Variants in BTBD3 observed in about 807,000 individuals in gnomAD.
The protein encoded by BTBD3 is BTB domain containing 3.
In BTBD3, 14 loss-of-function variants were observed where a neutral mutation model predicts 41.6. That is an observed-to-expected ratio of 0.34 (90% confidence interval 0.22 to 0.53). BTBD3 has a LOEUF of 0.53. Ranked by LOEUF, BTBD3 falls within the 20% of genes least tolerant of loss-of-function variation. The pLI is 0.95. For missense variants in BTBD3, 426 were observed against 654.7 expected (o/e 0.65, Z 3.81); for synonymous variants, 249 against 233.7 (o/e 1.07, Z -0.60).
In BTBD3 at chr20:11,919,615, G is replaced by A. The variant is rs571169761; in HGVS notation, c.418-103G>A. ...TTTCAAAGCAGTAGATTTTAGGTAC[G>A]CTATGTTTACTAAACCTGATTGCCT... On this transcript the variant is annotated intron_variant, in intron 2 of 3. Transcript: ENST00000378226. The A allele has an allele frequency of 1.0e-4, 132 of 1,291,266 alleles. No homozygotes were observed. The Middle Eastern group carries it at 1.4e-3, about 14-fold the overall frequency. 80.0% of individuals were successfully genotyped at this position (1,291,266 alleles called of 1,614,324 possible).
chr20:11,914,053 C>T (rs1288821522), upstream of BTBD3, among the ~76,000 whole-genome samples: 2 of 152,212 alleles, frequency 1.3e-5, no homozygotes, highest in Non-Finnish European at 2.9e-5. Flanking sequence ...TGATGGACTT[C>T]TTGGCCTATT....
At chr20:11,892,061 A>G (rs558406331) in intron 1 of BTBD3, among the ~76,000 whole-genome samples, 6 of 152,336 alleles carry the variant, frequency 3.9e-5, no homozygotes, top group African/African-American at 1.4e-4. Flanking sequence ...TTCACATAGT[A>G]GTAGCATTCA....
At chr20:11,901,102 T>C (rs2056821289) in intron 1 of BTBD3, among the ~76,000 whole-genome samples, 1 of 152,206 alleles carries the variant, frequency 6.6e-6, no homozygotes, top group Admixed American at 6.5e-5. Flanking sequence ...TGAGGTTATA[T>C]CAGGTGACTT....
chr20:11,916,787 G>A (rs1437390508), upstream of BTBD3, among the ~76,000 whole-genome samples: 3 of 152,148 alleles, frequency 2.0e-5, no homozygotes, highest in African/African-American at 7.2e-5. Flanking sequence ...AATGGCTGCT[G>A]TGCTTTGAAC....
At chr20:11,915,590 A>G (rs1411648911), upstream of BTBD3, among the ~76,000 whole-genome samples, 6 of 152,098 alleles carry the variant, frequency 3.9e-5, no homozygotes, top group Non-Finnish European at 8.8e-5. Context: ...GCTGCTGCTG[A>G]TCCTTCAACT....
In BTBD3 at chr20:11,918,345, A is replaced by G; in HGVS notation, c.70A>G (p.Asn24Asp). 1.2e-6 allele frequency: 2 copies of G among 1,613,890 alleles called. No individual in the cohort carries two copies. Among genetic ancestry groups the G allele is most frequent in the Non-Finnish European group, 1.7e-6 (2 of 1,179,956 alleles). Residue 24 changes from asparagine (N) to aspartate (D), a missense_variant, in exon 1 of 4, where the codon AAC becomes GAC. Coordinates refer to ENST00000378226, the MANE Select transcript of BTBD3 (RefSeq NM_014962.4). ...CTTGATGCTTCCAGAGACGGTAAAGAACAGGTCCAAGAAAAGCTCAAAGAA... is the reference window on the plus strand; with the variant it reads ...CTTGATGCTTCCAGAGACGGTAAAGGACAGGTCCAAGAAAAGCTCAAAGAA... ...FFLMLPETVKNRSKKSSKKAN... is the reference protein window; with the variant it reads ...FFLMLPETVKDRSKKSSKKAN...
rs1227996660 is a variant in BTBD3 at position 11,923,318 on chromosome 20, T to C, written c.1221T>C (p.Ile407=). 5.0e-6 allele frequency: 8 copies of C among 1,614,238 alleles called. No homozygotes were observed. In the East Asian group the frequency reaches 1.8e-4, roughly 36 times the overall value. ...IQFAVDKRVF[I]AGFGLYGSSC... is the part of the protein sequence containing the mutation. ...TTGCAGTTGATAAAAGAGTGTTCAT[T>C]GCTGGCTTTGGGCTGTATGGCTCCA... Residue 407 remains isoleucine (I), a synonymous_variant, in exon 4 of 4, where the codon ATT becomes ATC. Transcript: ENST00000378226. The surrounding 1 kb of genome is among the most constrained non-coding windows in gnomAD (Gnocchi z 5.3).
At chr20:11,890,845 C>T (rs1568604915) in exon 1 of BTBD3, 7 of 985,176 alleles carry the variant, frequency 7.1e-6, no homozygotes, top group Non-Finnish European at 8.4e-6. Flanking sequence ...GGGTGCCCGC[C>T]GAGCCCGCCG....
intron 3 of BTBD3, among the ~76,000 whole-genome samples, chr20:11,922,079 T>G (rs1050728127): frequency 3.3e-5 from 5 of 152,142 alleles, no homozygotes; most frequent in African/African-American, 1.2e-4. Context: ...CAAAAACAAA[T>G]AAAAAGTCTG....
At chr20:11,893,601 T>C (rs1441845224) in intron 1 of BTBD3, among the ~76,000 whole-genome samples, 2 of 152,252 alleles carry the variant, frequency 1.3e-5, no homozygotes, top group Admixed American at 1.3e-4. Context: ...TGCATTAATG[T>C]ACATTTATCG....
chr20:11,913,599 C>T (rs148569883), upstream of BTBD3: 4 of 152,286 alleles, frequency 2.6e-5, no homozygotes, highest in East Asian at 1.9e-4. Context: ...AGATCCGCCT[C>T]GTAGTCCAGG....
chr20:11,891,049 G>A, intron 1 of BTBD3: 17 of 882,344 alleles, frequency 1.9e-5, no homozygotes, highest in Non-Finnish European at 2.3e-5. Context: ...CGGCCGGCCG[G>A]AGGGGCCGAG....
chr20:11,917,100 A>T (rs901868865), upstream of BTBD3, among the ~76,000 whole-genome samples: 3 of 152,232 alleles, frequency 2.0e-5, no homozygotes, highest in African/African-American at 7.2e-5. Flanking sequence ...AAATTAAGAC[A>T]AGACTAAATG....
At chr20:11,893,814 C>CTTTT (rs141200500) in intron 1 of BTBD3, among the ~76,000 whole-genome samples, 50,937 of 151,734 alleles carry the variant, frequency 0.34, 8,602 homozygotes, top group Non-Finnish European at 0.37. Flanking sequence ...CCATTTTACT[C>CTTTT]TGTTTGTCTG....
chr20:11,909,277 A>AG (rs960626186), intron 1 of BTBD3: 4 of 150,720 alleles, frequency 2.7e-5, no homozygotes, highest in African/African-American at 9.7e-5. Context: ...CCCCTGTCAA[A>AG]AAAAAAAAAA....
At chr20:11,902,562 T>C (rs985894315) in intron 1 of BTBD3, among the ~76,000 whole-genome samples, 4 of 152,156 alleles carry the variant, frequency 2.6e-5, no homozygotes, top group Non-Finnish European at 1.5e-5. Context: ...AGCAATATAT[T>C]GGGGAGAGAA....
intron 1 of BTBD3, among the ~76,000 whole-genome samples, chr20:11,891,616 T>C (rs2056754922): frequency 1.3e-5 from 2 of 152,118 alleles, no homozygotes; most frequent in South Asian, 4.1e-4. Context: ...TGTGGCCCGT[T>C]TGCTCTAAAA....
At chr20:11,902,233 T>C (rs1199941807) in intron 1 of BTBD3, among the ~76,000 whole-genome samples, 1 of 152,216 alleles carries the variant, frequency 6.6e-6, no homozygotes, top group African/African-American at 2.4e-5. Flanking sequence ...TAATATATTA[T>C]GAAAATCATA....
intron 1 of BTBD3, among the ~76,000 whole-genome samples, chr20:11,900,640 C>G (rs2056818214): frequency 6.6e-6 from 1 of 151,756 alleles, no homozygotes; most frequent in South Asian, 2.1e-4. Context: ...TGTAGACTGC[C>G]ACCTATTTTC....
Sources: allele counts gnomAD v4.1 joint callset (sites outside exome capture counted in the v4.1 genomes callset), GRCh38; gene constraint gnomAD v4.1.1; non-coding constraint Gnocchi (gnomAD v3.1); transcripts MANE v1.5; gene names NCBI Gene and HGNC (gene_info 2026-07-23, HGNC 2026-07-21).